The following CHD1L variants were observed in gnomAD, a reference collection of about 807,000 sequenced individuals.
CHD1L encodes chromodomain helicase DNA binding protein 1 like, also known as ATP-dependent chromatin remodeler CHD1L.
Under a neutral mutation model 115.9 loss-of-function variants are expected in CHD1L, and 118 were observed. The observed-to-expected ratio is 1.02, with a 90% CI of 0.88 to 1.19. The LOEUF is 1.19. Ranked by LOEUF, CHD1L falls within the 50% of genes most tolerant of loss-of-function variation. CHD1L has a pLI of 0.00. For missense variants in CHD1L, 1,179 were observed against 1,065.3 expected, an observed-to-expected ratio of 1.11 and a Z score of -1.49; for synonymous variants, 411 against 387.1, an observed-to-expected ratio of 1.06 and a Z score of -0.72.
At chr1:147,280,514 C>T (rs1680428867) in intron 15 of CHD1L, among the ~76,000 whole-genome samples, 1 of 152,146 alleles carries the variant, frequency 6.6e-6, no homozygotes, top group Non-Finnish European at 1.5e-5. Flanking sequence ...TAAAGCCTAC[C>T]ATCCTTGGTA....
At position 147,255,804 on chromosome 1, in the gene CHD1L, T is replaced by G. The variant is rs782461767; in HGVS notation, c.348-9T>G. ...ATTTATGTTTATCTACTTCTTTTCT[T>G]GGATTCAGATTTGCTCCAGGTCTTT... On this transcript the variant is annotated splice_polypyrimidine_tract_variant and intron_variant, in intron 3 of 22. Coordinates refer to ENST00000369258, the MANE Select transcript of CHD1L (RefSeq NM_004284.6). The G allele has an allele frequency of 6.3e-7, 1 of 1,588,690 alleles. No individual in the cohort carries two copies. Among genetic ancestry groups the G allele is most frequent in the Non-Finnish European group, 8.6e-7 (1 of 1,162,710 alleles).
chr1:147,275,449 C>T lies in CHD1L; in HGVS notation c.1366C>T (p.His456Tyr), dbSNP rs782791630. 4 of 1,613,810 alleles carry T rather than the reference C, an allele frequency of 2.5e-6. No homozygotes were observed. The highest frequency in any genetic ancestry group is 2.5e-6 in the Non-Finnish European group (3 of 1,179,706). Reference protein sequence around the residue: ...QNDLQAAARAHRIGQNKSVKV... With the variant: ...QNDLQAAARAYRIGQNKSVKV... ...TGACTTGCAAGCAGCTGCCAGGGCTCATCGCATTGGCCAAAACAAGTAAGT... is the reference window on the plus strand; with the variant it reads ...TGACTTGCAAGCAGCTGCCAGGGCTTATCGCATTGGCCAAAACAAGTAAGT... The change falls in exon 13 of 23, where the codon CAT (histidine) becomes TAT (tyrosine). Residue 456 changes from histidine (H) to tyrosine (Y), a missense_variant. Physicochemically the swap from His to Tyr is moderately conservative, Grantham distance 83. Transcript: ENST00000369258.
intron 15 of CHD1L, among the ~76,000 whole-genome samples, chr1:147,281,459 G>A (rs1307500349): frequency 6.6e-6 from 1 of 152,182 alleles, no homozygotes; most frequent in African/African-American, 2.4e-5. Flanking sequence ...GATTGGGGTG[G>A]TTTTGTTGTC....
intron 6 of CHD1L, among the ~76,000 whole-genome samples, chr1:147,263,010 C>G (rs1672516658): frequency 6.6e-6 from 1 of 151,828 alleles, no homozygotes; most frequent in African/African-American, 2.4e-5. Flanking sequence ...TATTAAATAT[C>G]AAAATATTGT....
intron 1 of CHD1L, among the ~76,000 whole-genome samples, chr1:147,243,943 G>C (rs1468596068): frequency 2.0e-5 from 3 of 152,212 alleles, no homozygotes; most frequent in African/African-American, 7.2e-5. Context: ...GAAAGATGAA[G>C]TTGAATGGAG....
At chr1:147,228,823 C>G in the CHD1L span, among the ~76,000 whole-genome samples, 30 of 152,244 alleles carry the variant, frequency 2.0e-4, no homozygotes, top group South Asian at 5.6e-3. Context: ...AGAAGTGTCT[C>G]TTCATTTCCT....
chr1:147,233,017 C>T, the CHD1L span, among the ~76,000 whole-genome samples: 11 of 151,892 alleles, frequency 7.2e-5, no homozygotes, highest in South Asian at 2.1e-4. Flanking sequence ...AAGTGAGGAG[C>T]GCCTCTTCCC....
At chr1:147,207,707 T>A in the CHD1L span, among the ~76,000 whole-genome samples, 1 of 152,190 alleles carries the variant, frequency 6.6e-6, no homozygotes, top group East Asian at 1.9e-4. Context: ...CATATTGACT[T>A]CTGATCAACC....
intron 1 of CHD1L, among the ~76,000 whole-genome samples, chr1:147,249,115 TTGA>T (rs1553935090): frequency 6.6e-6 from 1 of 152,232 alleles, no homozygotes; most frequent in African/African-American, 2.4e-5. Context: ...GGTAGGTTTG[TTGA>T]TGATAAATTC....
At chr1:147,179,457 A>G in the CHD1L span, 2 of 1,586,822 alleles carry the variant, frequency 1.3e-6, no homozygotes, top group Admixed American at 1.7e-5. Context: ...ATGAAGTCAG[A>G]GTTTTCCTAC....
In CHD1L at chr1:147,259,691, C is replaced by T. The variant is rs587774233; in HGVS notation, c.495-146C>T. 4 of 666,544 alleles carry T rather than the reference C, an allele frequency of 6.0e-6. No individual in the cohort carries two copies. In the South Asian group the frequency reaches 7.8e-5, roughly 13 times the overall value. 41.3% of individuals were successfully genotyped at this position (666,544 alleles called of 1,614,324 possible). A position where few individuals can be genotyped will look rare whatever the true frequency, so the allele number is the denominator to read the frequency against. ...ATTGTATTATGCACATGTAGCCTCT[C>T]AGGAAGGTAATTTGGTGGCATTTGT... On this transcript the variant is annotated intron_variant, in intron 5 of 22. Coordinates refer to ENST00000369258, the MANE Select transcript of CHD1L (RefSeq NM_004284.6).
upstream of CHD1L, among the ~76,000 whole-genome samples, chr1:147,241,147 C>T (rs1407038184): frequency 6.6e-6 from 1 of 152,136 alleles, no homozygotes; most frequent in Non-Finnish European, 1.5e-5. Context: ...ATCTTCAGTA[C>T]CATAGAGTGC....
At position 147,267,426 on chromosome 1, in the gene CHD1L, A is replaced by G. The variant is rs782728909; in HGVS notation, c.896A>G (p.Asp299Gly). The G allele has an allele frequency of 6.8e-6, 11 of 1,609,748 alleles. No homozygotes were observed. Among genetic ancestry groups the G allele is most frequent in the African/African-American group, 2.7e-5 (2 of 74,868 alleles). The change falls in exon 9 of 23, where the codon GAT becomes GGT. Residue 299 changes from aspartate (D) to glycine (G), a missense_variant and splice_region_variant. Asp to Gly is a moderately conservative substitution (Grantham distance 94). Transcript: ENST00000369258. ...YYKAILMKDL[D>G]AFENETAKKV... Reference sequence around the variant, plus strand: ...CTCTCTCTTTTTTTTTAAATTTCAGATGCATTTGAAAATGAGACGGCAAAG... The same window carrying G: ...CTCTCTCTTTTTTTTTAAATTTCAGGTGCATTTGAAAATGAGACGGCAAAG...
chr1:147,209,012 G>A, the CHD1L span: 5 of 1,613,972 alleles, frequency 3.1e-6, no homozygotes, highest in East Asian at 8.9e-5. Context: ...TCCCCTACAC[G>A]ATTCAGGATC....
chr1:147,202,252 A>G, the CHD1L span, among the ~76,000 whole-genome samples: 2 of 151,156 alleles, frequency 1.3e-5, no homozygotes, highest in Non-Finnish European at 2.9e-5. Flanking sequence ...TTTTTTTGCC[A>G]TTACTTTTAA....
the CHD1L span, among the ~76,000 whole-genome samples, chr1:147,181,521 T>C: frequency 1.3e-5 from 2 of 152,102 alleles, no homozygotes; most frequent in African/African-American, 2.4e-5. Flanking sequence ...GACAACATAT[T>C]TGAGGTTTGC....
At chr1:147,219,613 G>A in the CHD1L span, among the ~76,000 whole-genome samples, 2 of 151,982 alleles carry the variant, frequency 1.3e-5, no homozygotes, top group African/African-American at 4.8e-5. Context: ...ATGGAACATT[G>A]CACTAGAAGT....
chr1:147,220,273 G>A, the CHD1L span, among the ~76,000 whole-genome samples: 2 of 152,154 alleles, frequency 1.3e-5, no homozygotes, highest in African/African-American at 4.8e-5. Context: ...GCATGAATTA[G>A]AAAACACAGA....
chr1:147,173,778 T>C, the CHD1L span, among the ~76,000 whole-genome samples: 1 of 152,252 alleles, frequency 6.6e-6, no homozygotes, highest in Non-Finnish European at 1.5e-5. Flanking sequence ...GTTCTGAATC[T>C]GCATTTTAAC....
Sources: gnomAD v4.1 joint callset for allele counts (sites outside exome capture counted in the v4.1 genomes callset) on GRCh38, gnomAD v4.1.1 for gene constraint, MANE v1.5 for transcripts, NCBI Gene and HGNC (gene_info 2026-07-23, HGNC 2026-07-21) for gene names.